The following CDH18 variants were observed in gnomAD, a reference collection of about 807,000 sequenced individuals.
The protein encoded by CDH18 is cadherin-18.
A neutral mutation model predicts 67.9 loss-of-function variants in CDH18; 31 were observed. The observed-to-expected ratio is 0.46, with a 90% CI of 0.34 to 0.62. The LOEUF (loss-of-function observed/expected upper bound fraction) is 0.62, where lower values mean the gene tolerates loss of function less well. Among genes scored for constraint, CDH18 ranks in the 20% least tolerant of loss-of-function variants. The pLI is 0.01. For synonymous variants in CDH18, 362 were observed against 347.2 expected, an observed-to-expected ratio of 1.04 and a Z score of -0.48; for missense variants, 890 against 975.5, an observed-to-expected ratio of 0.91 and a Z score of 1.17.
intron 1 of CDH18, among the ~76,000 whole-genome samples, chr5:20,502,530 GACTTGCTATAAAC>G (rs1754398902): frequency 6.6e-6 from 1 of 152,162 alleles, no homozygotes; most frequent in Non-Finnish European, 1.5e-5. Context: ...TATCTGAGAA[GACTTGCTATAAAC>G]ACTTGCTTGT....
chr5:19,536,835 G>A (rs1249143047), intron 9 of CDH18, among the ~76,000 whole-genome samples: 1 of 152,146 alleles, frequency 6.6e-6, no homozygotes, highest in African/African-American at 2.4e-5. Context: ...GGTTTGGAAT[G>A]TAAAATGCTG....
chr5:20,463,720 C>T (rs1051300961), intron 1 of CDH18, among the ~76,000 whole-genome samples: 1 of 152,048 alleles, frequency 6.6e-6, no homozygotes, highest in East Asian at 1.9e-4. Flanking sequence ...ACAGCCAAAC[C>T]GTTAATACGG....
chr5:20,172,527 A>C (rs893783168), intron 2 of CDH18, among the ~76,000 whole-genome samples: 1 of 151,902 alleles, frequency 6.6e-6, no homozygotes, highest in East Asian at 1.9e-4. Flanking sequence ...AGTGTGACTT[A>C]TGAGGCCACA....
intron 7 of CDH18, among the ~76,000 whole-genome samples, chr5:19,578,788 CA>C (rs1490931973): frequency 1.3e-5 from 2 of 151,290 alleles, no homozygotes; most frequent in Non-Finnish European, 2.9e-5. Flanking sequence ...AGAAATTCTG[CA>C]ATTTGTTTGC....
At chr5:20,231,906 C>G (rs780923904) in intron 2 of CDH18, among the ~76,000 whole-genome samples, 1 of 151,816 alleles carries the variant, frequency 6.6e-6, no homozygotes, top group Non-Finnish European at 1.5e-5. Flanking sequence ...GTAATAGTAA[C>G]TTTTAAAGCT....
intron 3 of CDH18, among the ~76,000 whole-genome samples, chr5:19,799,696 A>C (rs1777248521): frequency 6.6e-6 from 1 of 152,110 alleles, no homozygotes; most frequent in South Asian, 2.1e-4. Flanking sequence ...CTGTTGTCTA[A>C]CATCTAACAC....
intron 2 of CDH18, among the ~76,000 whole-genome samples, chr5:20,186,215 A>G (rs975692454): frequency 1.8e-4 from 27 of 152,170 alleles, no homozygotes; most frequent in Non-Finnish European, 3.2e-4. Flanking sequence ...AAAACATGGG[A>G]AACATTGTCA....
intron 7 of CDH18, among the ~76,000 whole-genome samples, chr5:19,588,583 C>G (rs1744591762): frequency 6.6e-6 from 1 of 151,806 alleles, no homozygotes; most frequent in Non-Finnish European, 1.5e-5. Flanking sequence ...AGGCTAAACC[C>G]CCCAATAAAA....
chr5:19,500,891 G>A (rs891832118), intron 11 of CDH18, among the ~76,000 whole-genome samples: 1 of 152,086 alleles, frequency 6.6e-6, no homozygotes, highest in Admixed American at 6.6e-5. Context: ...AGAGCTTTGG[G>A]AGGCTGAGGC....
At chr5:20,151,643 A>G (rs1417392856) in intron 2 of CDH18, among the ~76,000 whole-genome samples, 1 of 152,132 alleles carries the variant, frequency 6.6e-6, no homozygotes, top group African/African-American at 2.4e-5. Context: ...CCTCTCCAGC[A>G]TCTGTTGTTT....
At chr5:19,963,143 C>A (rs78780559) in intron 2 of CDH18, among the ~76,000 whole-genome samples, 6,119 of 152,122 alleles carry the variant, frequency 0.04, 208 homozygotes, top group East Asian at 0.16. Flanking sequence ...GTCTATGTAC[C>A]CATTCATTCA....
At chr5:19,941,331 T>C (rs1794795560) in intron 2 of CDH18, among the ~76,000 whole-genome samples, 1 of 152,160 alleles carries the variant, frequency 6.6e-6, no homozygotes, top group Non-Finnish European at 1.5e-5. Flanking sequence ...ACTCAGTTCC[T>C]GGTATTCTGT....
chr5:20,106,088 G>C (rs1746913939), intron 2 of CDH18, among the ~76,000 whole-genome samples: 1 of 152,084 alleles, frequency 6.6e-6, no homozygotes, highest in South Asian at 2.1e-4. Flanking sequence ...AGTTGGCGAT[G>C]GTAATTAATT....
intron 5 of CDH18, among the ~76,000 whole-genome samples, chr5:19,716,936 A>T (rs543337386): frequency 3.5e-4 from 54 of 152,222 alleles, no homozygotes; most frequent in Admixed American, 1.3e-3. Context: ...TAAACACGCA[A>T]ATATGAAAAT....
chr5:20,540,191 C>G (rs1756975122), intron 1 of CDH18, among the ~76,000 whole-genome samples: 1 of 152,126 alleles, frequency 6.6e-6, no homozygotes, highest in Non-Finnish European at 1.5e-5. Context: ...CTTGTGTCTT[C>G]TAGCAATACA....
chr5:20,004,250 C>T (rs752697565), intron 2 of CDH18, among the ~76,000 whole-genome samples: 2 of 152,254 alleles, frequency 1.3e-5, no homozygotes, highest in East Asian at 1.9e-4. Flanking sequence ...AGCAACAGCG[C>T]CCCCCACCCG....
chr5:19,554,734 A>G (rs568871636), intron 8 of CDH18, among the ~76,000 whole-genome samples: 17 of 152,268 alleles, frequency 1.1e-4, no homozygotes, highest in African/African-American at 3.4e-4. Flanking sequence ...TTTGGTCACA[A>G]GATGGTGACA....
chr5:20,184,225 G>T (rs1166742001), intron 2 of CDH18, among the ~76,000 whole-genome samples: 1 of 151,938 alleles, frequency 6.6e-6, no homozygotes, highest in Non-Finnish European at 1.5e-5. Context: ...TAAGGCACAG[G>T]CACTGACATC....
chr5:20,209,587 A>G (rs1740187802), intron 2 of CDH18, among the ~76,000 whole-genome samples: 1 of 146,320 alleles, frequency 6.8e-6, no homozygotes, highest in Non-Finnish European at 1.5e-5. Flanking sequence ...TGGTTATCAG[A>G]GTCTGGGAAA....
Sources: allele counts gnomAD v4.1 joint callset (sites outside exome capture counted in the v4.1 genomes callset), GRCh38; gene constraint gnomAD v4.1.1; transcripts MANE v1.5; gene names NCBI Gene and HGNC (gene_info 2026-07-23, HGNC 2026-07-21).